SIX1: variants seen among roughly 807,000 people sequenced by gnomAD.
SIX1 encodes SIX homeobox 1.
Under a neutral mutation model 26.5 loss-of-function variants are expected in SIX1, and 11 were observed. The observed-to-expected ratio is 0.41, with a 90% CI of 0.26 to 0.69. The LOEUF (loss-of-function observed/expected upper bound fraction) is 0.69. Ranked by LOEUF, SIX1 falls within the 30% of genes least tolerant of loss-of-function variation. The pLI is 0.28. For synonymous variants in SIX1, 177 were observed against 166.2 expected (o/e 1.06, Z -0.50); for missense variants, 333 against 365.9 (o/e 0.91, Z 0.73).
chr14:60,649,237 C>T lies in SIX1; in HGVS notation c.-48G>A, dbSNP rs560779340. 5.1e-6 allele frequency: 8 copies of T among 1,568,852 alleles called. No homozygotes were observed. In the Admixed American group the frequency reaches 8.8e-5, roughly 17 times the overall value. On this transcript the variant is annotated 5_prime_UTR_variant, in exon 1 of 2. Coordinates refer to ENST00000645694, the MANE Select transcript of SIX1 (RefSeq NM_005982.4). This position sits in a 1 kb window ranked among gnomAD's most constrained non-coding sequence, Gnocchi z 5.1. Reference sequence around the variant, plus strand: ...CGGCCCAGGCGCACGCGGCAGGGAGCAGAGCCGAGAGGCAGGGGGCGGCGG... The same window carrying T: ...CGGCCCAGGCGCACGCGGCAGGGAGTAGAGCCGAGAGGCAGGGGGCGGCGG...
At position 60,648,812 on chromosome 14, in the gene SIX1, C is replaced by T. The variant is rs1270828938; in HGVS notation, c.378G>A (p.Glu126=). The change falls in exon 1 of 2, where the codon GAG becomes GAA. Residue 126 remains glutamate, a synonymous_variant. Coordinates refer to ENST00000645694, the MANE Select transcript of SIX1 (RefSeq NM_005982.4). The surrounding 1 kb of genome is among the most constrained non-coding windows in gnomAD (Gnocchi z 7.9). ...ACTTCTCCTTGAAGCAGTAGCTGGT[C>T]TCCTCGCCGTCCCAGATGGTGCGCG... ...PLPRTIWDGE[E]TSYCFKEKSR... is the part of the protein sequence containing the mutation. 1 of 1,614,130 alleles carries T rather than the reference C, an allele frequency of 6.2e-7. No individual in the cohort carries two copies. The highest frequency in any genetic ancestry group is 1.3e-5 in the African/African-American group (1 of 74,948).
In SIX1 at chr14:60,646,017, GT is replaced by G. The variant is rs112733948; in HGVS notation, c.*265del. 0.73 allele frequency: 141,091 copies of G among 193,508 alleles called. 48,626 individuals are homozygous for G. The highest frequency in any genetic ancestry group is 0.82 in the Admixed American group (12,814 of 15,608). 12.0% of individuals were successfully genotyped at this position (193,508 alleles called of 1,614,324 possible). On this transcript the variant is annotated 3_prime_UTR_variant, in exon 2 of 2. Transcript: ENST00000645694. ...TGCCTGGGTGCTTTTGTTTGTTTGG[GT>G]TTTTTTTTTTTTTTTTCCCTGATCT...
chr14:60,646,671 G>A, intron 1 of SIX1, 94 bp from the exon 2 acceptor site: 1 of 1,107,894 alleles, frequency 9.0e-7, no homozygotes, highest in Non-Finnish European at 1.3e-6. Context: ...GAGGGGAGCT[G>A]GAAGGAGGAA....
Position 60,648,955 on chromosome 14 carries a change from T to C in SIX1, c.235A>G (p.Asn79Asp), listed in dbSNP as rs752695594. ...ILESHQFSPH[N>D]HPKLQQLWLK... Reference sequence around the variant, plus strand: ...CACAGTTGCTGCAGTTTGGGGTGGTTGTGAGGCGAGAACTGGTGGCTCTCC... The same window carrying C: ...CACAGTTGCTGCAGTTTGGGGTGGTCGTGAGGCGAGAACTGGTGGCTCTCC... Residue 79 changes from asparagine (N) to aspartate (D), a missense_variant, in exon 1 of 2, where the codon AAC becomes GAC. Physicochemically the swap from Asn to Asp is conservative, Grantham distance 23. Transcript: ENST00000645694. This position sits in a 1 kb window ranked among gnomAD's most constrained non-coding sequence, Gnocchi z 7.9. The C allele has an allele frequency of 3.7e-6, 6 of 1,614,100 alleles. No homozygotes were observed. Among genetic ancestry groups the C allele is most frequent in the Non-Finnish European group, 5.1e-6 (6 of 1,179,994 alleles).
In SIX1 at chr14:60,646,072, G is replaced by GAA. The variant is rs962011450; in HGVS notation, c.*209_*210dup. The GAA allele has an allele frequency of 4.2e-6, 2 of 477,330 alleles. No individual in the cohort carries two copies. Among genetic ancestry groups the GAA allele is most frequent in the African/African-American group, 3.9e-5 (2 of 51,270 alleles). 29.6% of individuals were successfully genotyped at this position (477,330 alleles called of 1,614,324 possible). A position where few individuals can be genotyped will look rare whatever the true frequency, so the allele number is the denominator to read the frequency against. ...CATTGGGAAGGAAAATGCAAAAGTG[G>GAA]AAAGAGTTGGAGAGAAGAGGAGATT... On this transcript the variant is annotated 3_prime_UTR_variant, in exon 2 of 2. Transcript: ENST00000645694.
At position 60,646,260 on chromosome 14, in the gene SIX1, T is replaced by C; in HGVS notation, c.*23A>G. The C allele has an allele frequency of 6.2e-7, 1 of 1,607,886 alleles. No individual in the cohort carries two copies. Among genetic ancestry groups the C allele is most frequent in the Non-Finnish European group, 8.5e-7 (1 of 1,176,674 alleles). On this transcript the variant is annotated 3_prime_UTR_variant, in exon 2 of 2. Transcript: ENST00000645694. ...AGTGGTTGCTGCTCCAGGAATCCCTTCGAGGCCCCAGTCCCTCCCCACTTA... is the reference window on the plus strand; with the variant it reads ...AGTGGTTGCTGCTCCAGGAATCCCTCCGAGGCCCCAGTCCCTCCCCACTTA...
chr14:60,649,333 A>G lies in SIX1; in HGVS notation c.-144T>C, dbSNP rs1046682405. The G allele has an allele frequency of 2.7e-5, 19 of 695,314 alleles. No homozygotes were observed. The East Asian group carries it at 5.0e-4, about 18-fold the overall frequency. 43.1% of individuals were successfully genotyped at this position (695,314 alleles called of 1,614,324 possible). A position where few individuals can be genotyped will look rare whatever the true frequency, so the allele number is the denominator to read the frequency against. On this transcript the variant is annotated 5_prime_UTR_variant, in exon 1 of 2. Coordinates refer to ENST00000645694, the MANE Select transcript of SIX1 (RefSeq NM_005982.4). The surrounding 1 kb of genome is among the most constrained non-coding windows in gnomAD (Gnocchi z 5.1). Reference sequence around the variant, plus strand: ...TTGCAAAGGCGAAAACCGGAGTCGGAACTTGGCGGTGGGCGGCCAAGGAAG... The same window carrying G: ...TTGCAAAGGCGAAAACCGGAGTCGGGACTTGGCGGTGGGCGGCCAAGGAAG...
chr14:60,647,582 T>C lies in SIX1; in HGVS notation c.561-1005A>G, dbSNP rs973316246. On this transcript the variant is annotated intron_variant, in intron 1 of 1. Coordinates refer to ENST00000645694, the MANE Select transcript of SIX1 (RefSeq NM_005982.4). This position sits in a 1 kb window ranked among gnomAD's most constrained non-coding sequence, Gnocchi z 5.1. ...CAGTCTCTGTCTCCCGACAAGCCCA[T>C]TTCAGCAGAATTTATCCTGGCTCTG... 2.0e-5 allele frequency among the ~76,000 whole-genome samples: 3 copies of C among 152,312 alleles called. No individual in the cohort carries two copies. The highest frequency in any genetic ancestry group is 3.9e-4 in the East Asian group (2 of 5,182).
rs1181935324 is a variant in SIX1, at chr14:60,648,695, G to C, written c.495C>G (p.Thr165=). The change falls in exon 1 of 2, where the codon ACC becomes ACG. Residue 165 remains threonine (T), a synonymous_variant. Transcript: ENST00000645694. The surrounding 1 kb of genome is among the most constrained non-coding windows in gnomAD (Gnocchi z 7.9). ...TCTTAAACCAGTTGCTGACCTGGGT[G>C]GTGGTGAGGCCGGTGGCCTCGGCCA... ...RELAEATGLT[T]TQVSNWFKNR... is the part of the protein sequence containing the mutation. The C allele has an allele frequency of 6.2e-7, 1 of 1,614,120 alleles. No homozygotes were observed. The highest frequency in any genetic ancestry group is 2.2e-5 in the East Asian group (1 of 44,878).
In SIX1 at chr14:60,646,229, C is replaced by T. The variant is rs769635996; in HGVS notation, c.*54G>A. ...ATTTCTATTTACAAGTGTCCCTAGT[C>T]GCTGCAGTGGTTGCTGCTCCAGGAA... On this transcript the variant is annotated 3_prime_UTR_variant, in exon 2 of 2. Coordinates refer to ENST00000645694, the MANE Select transcript of SIX1 (RefSeq NM_005982.4). 125 of 1,552,586 alleles carry T rather than the reference C, an allele frequency of 8.1e-5. No homozygotes were observed. The Admixed American group carries it at 9.1e-4, about 11-fold the overall frequency.
rs1894993246 is a variant in SIX1 at position 60,648,510 on chromosome 14, G to T, written c.560+120C>A. On this transcript the variant is annotated intron_variant, in intron 1 of 1. Coordinates refer to ENST00000645694, the MANE Select transcript of SIX1 (RefSeq NM_005982.4). This position sits in a 1 kb window ranked among gnomAD's most constrained non-coding sequence, Gnocchi z 7.9. ...CCGCGGAGGGCCTGCGCGCCGCCCC[G>T]TGGACGGGCTCCGGCCGGCGGGGAG... The T allele has an allele frequency of 2.0e-6, 2 of 994,658 alleles. No homozygotes were observed. Among genetic ancestry groups the T allele is most frequent in the Admixed American group, 4.6e-5 (2 of 43,772 alleles). 61.6% of individuals were successfully genotyped at this position (994,658 alleles called of 1,614,324 possible).
Position 60,644,107 on chromosome 14 carries a change from C to G in SIX1, c.*2176G>C, listed in dbSNP as rs143032109. 128 of 152,290 alleles carry G rather than the reference C, an allele frequency of 8.4e-4. No individual in the cohort carries two copies. Among genetic ancestry groups the G allele is most frequent in the African/African-American group, 2.9e-3 (119 of 41,542 alleles). The allele number at this position is 152,290 out of a possible 1,614,324, so 9.4% of individuals were successfully genotyped here. A position where few individuals can be genotyped will look rare whatever the true frequency, so the allele number is the denominator to read the frequency against. On this transcript the variant is annotated 3_prime_UTR_variant, in exon 2 of 2. Coordinates refer to ENST00000645694, the MANE Select transcript of SIX1 (RefSeq NM_005982.4). The stretch of plus-strand genomic sequence containing the variant: ...TAAGAAATTAAAGTAATTGGCCCTT[C>G]CTATTTTCCAGAGAGATTTCCGCAG...
chr14:60,648,506 C>T lies in SIX1; in HGVS notation c.560+124G>A. 1.1e-6 allele frequency: 1 copy of T among 924,510 alleles called. No individual in the cohort carries two copies. Among genetic ancestry groups the T allele is most frequent in the South Asian group, 1.6e-5 (1 of 63,334 alleles). The allele number at this position is 924,510 out of a possible 1,614,324, so 57.3% of individuals were successfully genotyped here. ...AGCGCCGCGGAGGGCCTGCGCGCCG[C>T]CCCGTGGACGGGCTCCGGCCGGCGG... On this transcript the variant is annotated intron_variant, in intron 1 of 1. Coordinates refer to ENST00000645694, the MANE Select transcript of SIX1 (RefSeq NM_005982.4). The surrounding 1 kb of genome is among the most constrained non-coding windows in gnomAD (Gnocchi z 7.9).
rs1005818788 is a variant in SIX1 at position 60,647,107 on chromosome 14, G to A, written c.561-530C>T. ...TCCCGTTTTCCTGCCCCAGCCCAGA[G>A]TTGGTGGTTTTGCAGACACAGAACA... On this transcript the variant is annotated intron_variant, in intron 1 of 1. Coordinates refer to ENST00000645694, the MANE Select transcript of SIX1 (RefSeq NM_005982.4). The surrounding 1 kb of genome is among the most constrained non-coding windows in gnomAD (Gnocchi z 5.1). Among the ~76,000 whole-genome samples the A allele has an allele frequency of 6.6e-5, 10 of 152,188 alleles. No individual in the cohort carries two copies. The highest frequency in any genetic ancestry group is 2.4e-4 in the African/African-American group (10 of 41,458).
In SIX1 at chr14:60,649,076, G is replaced by A. The variant is rs752537825; in HGVS notation, c.114C>T (p.Pro38=). Residue 38 remains proline, a synonymous_variant, in exon 1 of 2, where the codon CCC becomes CCT. Coordinates refer to ENST00000645694, the MANE Select transcript of SIX1 (RefSeq NM_005982.4). The surrounding 1 kb of genome is among the most constrained non-coding windows in gnomAD (Gnocchi z 5.1). ...CGTTCTTGTGCAGGTGGTCGCAGGC[G>A]GGCAGTGACCACAGGAACCTGCCCA... ...ERLGRFLWSL[P]ACDHLHKNES... The A allele has an allele frequency of 1.7e-5, 27 of 1,613,560 alleles. No homozygotes were observed. The highest frequency in any genetic ancestry group is 2.2e-5 in the East Asian group (1 of 44,882).
In SIX1 at chr14:60,648,844, G is replaced by C. The variant is rs748953823; in HGVS notation, c.346C>G (p.Pro116Ala). The change falls in exon 1 of 2, where the codon CCA (proline) becomes GCA (alanine). Residue 116 changes from proline (P) to alanine (A), a missense_variant. This residue lies in a region of SIX1 where 199 missense variants were observed against 215.2 expected (regional missense o/e 0.92). Coordinates refer to ENST00000645694, the MANE Select transcript of SIX1 (RefSeq NM_005982.4). The surrounding 1 kb of genome is among the most constrained non-coding windows in gnomAD (Gnocchi z 7.9). ...VGKYRVRRKF[P>A]LPRTIWDGEE... is the part of the protein sequence containing the mutation. ...CCGTCCCAGATGGTGCGCGGCAGTG[G>C]AAATTTTCGGCGCACCCGATATTTG... 1 of 1,614,236 alleles carries C rather than the reference G, an allele frequency of 6.2e-7. No homozygotes were observed. The highest frequency in any genetic ancestry group is 8.5e-7 in the Non-Finnish European group (1 of 1,180,050).
chr14:60,649,200 T>C lies in SIX1; in HGVS notation c.-11A>G, dbSNP rs1594673617. ...CGGCAGCATCGACATGGCTGGGGCC[T>C]GCCGGGGCGCACGGCCCAGGCGCAC... On this transcript the variant is annotated 5_prime_UTR_variant, in exon 1 of 2. Transcript: ENST00000645694. The surrounding 1 kb of genome is among the most constrained non-coding windows in gnomAD (Gnocchi z 5.1). 6.2e-7 allele frequency: 1 copy of C among 1,603,726 alleles called. No individual in the cohort carries two copies. The highest frequency in any genetic ancestry group is 2.2e-5 in the East Asian group (1 of 44,826).
rs1895013165 is a variant in SIX1 at position 60,649,180 on chromosome 14, G to A, written c.10C>T (p.Leu4=). Residue 4 remains leucine, a synonymous_variant, in exon 1 of 2, where the codon CTG becomes TTG. Transcript: ENST00000645694. The surrounding 1 kb of genome is among the most constrained non-coding windows in gnomAD (Gnocchi z 5.1). ...TCCTGCGTAAAGCCAAACGACGGCA[G>A]CATCGACATGGCTGGGGCCTGCCGG... The part of the protein sequence containing the change: MSM[L]PSFGFTQEQV... 1.2e-6 allele frequency: 2 copies of A among 1,608,456 alleles called. No homozygotes were observed. Among genetic ancestry groups the A allele is most frequent in the Non-Finnish European group, 1.7e-6 (2 of 1,179,874 alleles).
In SIX1 at chr14:60,649,248, G is replaced by A; in HGVS notation, c.-59C>T. On this transcript the variant is annotated 5_prime_UTR_variant, in exon 1 of 2. Transcript: ENST00000645694. The surrounding 1 kb of genome is among the most constrained non-coding windows in gnomAD (Gnocchi z 5.1). ...CACGCGGCAGGGAGCAGAGCCGAGA[G>A]GCAGGGGGCGGCGGCCGCAGGGAGG... The A allele has an allele frequency of 1.3e-6, 2 of 1,508,498 alleles. No individual in the cohort carries two copies. Among genetic ancestry groups the A allele is most frequent in the Admixed American group, 1.9e-5 (1 of 51,794 alleles). 93.4% of individuals were successfully genotyped at this position (1,508,498 alleles called of 1,614,324 possible). A position where few individuals can be genotyped will look rare whatever the true frequency, so the allele number is the denominator to read the frequency against.
Sources: gnomAD v4.1 joint callset for allele counts (sites outside exome capture counted in the v4.1 genomes callset) on GRCh38, gnomAD v4.1.1 for gene constraint, gnomAD v4.1.1 regional missense constraint, Gnocchi (gnomAD v3.1) non-coding constraint, MANE v1.5 for transcripts, NCBI Gene and HGNC (gene_info 2026-07-23, HGNC 2026-07-21) for gene names.